The following KCNIP4 variants were observed in gnomAD, a reference collection of about 807,000 sequenced individuals.
KCNIP4 encodes Kv channel-interacting protein 4.
In KCNIP4, 12 loss-of-function variants were observed where a neutral mutation model predicts 34.0. The ratio of observed to expected loss-of-function variants is 0.35; its 90% CI spans 0.23 to 0.57. KCNIP4 has a LOEUF of 0.57. KCNIP4 is among the 20% of genes least tolerant of loss of function. The pLI is 0.83. For synonymous variants in KCNIP4, 124 were observed against 102.2 expected, an observed-to-expected ratio of 1.21 and a Z score of -1.29; for missense variants, 238 against 311.7, an observed-to-expected ratio of 0.76 and a Z score of 1.78.
At chr4:21,894,334 C>CAAATAAATAAATAAATAAAT (rs71655673) in intron 1 of KCNIP4, among the ~76,000 whole-genome samples, 3 of 150,788 alleles carry the variant, frequency 2.0e-5, no homozygotes, top group African/African-American at 7.3e-5. Flanking sequence ...GACCCAGTCT[C>CAAATAAATAAATAAATAAAT]AAATAAATAA....
intron 1 of KCNIP4, among the ~76,000 whole-genome samples, chr4:21,291,556 A>T (rs1368551153): frequency 6.6e-6 from 1 of 152,156 alleles, no homozygotes. Flanking sequence ...ACCATTAAAA[A>T]TATCTGATGA....
intron 1 of KCNIP4, among the ~76,000 whole-genome samples, chr4:21,289,662 TG>T (rs1475303551): frequency 6.6e-6 from 1 of 152,236 alleles, no homozygotes; most frequent in Non-Finnish European, 1.5e-5. Context: ...ATCTTTGCAC[TG>T]GTCTTAAATG....
chr4:21,011,252 C>G (rs1739041952), intron 1 of KCNIP4, among the ~76,000 whole-genome samples: 1 of 152,178 alleles, frequency 6.6e-6, no homozygotes, highest in Non-Finnish European at 1.5e-5. Flanking sequence ...TATTCACTTC[C>G]TAGTGGCATT....
chr4:20,765,467 T>C (rs1396944780), intron 3 of KCNIP4, among the ~76,000 whole-genome samples: 1 of 152,184 alleles, frequency 6.6e-6, no homozygotes, highest in Non-Finnish European at 1.5e-5. Flanking sequence ...CATTGTAGCT[T>C]GAGAGATTTG....
intron 1 of KCNIP4, among the ~76,000 whole-genome samples, chr4:21,070,540 G>C (rs558370764): frequency 6.6e-6 from 1 of 151,722 alleles, no homozygotes; most frequent in South Asian, 2.1e-4. Context: ...CTAATGTCTG[G>C]CAATGGTGAT....
intron 1 of KCNIP4, among the ~76,000 whole-genome samples, chr4:21,264,404 G>T (rs1260391707): frequency 6.6e-6 from 1 of 152,122 alleles, no homozygotes; most frequent in African/African-American, 2.4e-5. Flanking sequence ...TACAACACTG[G>T]CATGGAGATG....
At chr4:21,003,821 A>G (rs1182120849) in intron 1 of KCNIP4, among the ~76,000 whole-genome samples, 1 of 152,210 alleles carries the variant, frequency 6.6e-6, no homozygotes, top group Non-Finnish European at 1.5e-5. Context: ...TACTCACACC[A>G]ATAAAGTTAA....
chr4:21,079,227 A>G (rs1460873511), intron 1 of KCNIP4, among the ~76,000 whole-genome samples: 3 of 152,066 alleles, frequency 2.0e-5, no homozygotes, highest in African/African-American at 4.8e-5. Context: ...ATTTTTTGGC[A>G]TCTCACACAA....
chr4:20,918,091 G>A (rs372924584), intron 1 of KCNIP4, among the ~76,000 whole-genome samples: 1 of 152,054 alleles, frequency 6.6e-6, no homozygotes, highest in South Asian at 2.1e-4. Context: ...ATTACTTACA[G>A]TGGGACGAAT....
At chr4:21,235,509 T>G (rs752455869) in intron 1 of KCNIP4, among the ~76,000 whole-genome samples, 19 of 152,154 alleles carry the variant, frequency 1.2e-4, no homozygotes, top group Non-Finnish European at 2.2e-4. Context: ...ATGACTTGCT[T>G]CTTCATTGTG....
intron 1 of KCNIP4, among the ~76,000 whole-genome samples, chr4:20,932,476 T>C (rs1160375959): frequency 1.5e-5 from 2 of 129,208 alleles, no homozygotes; most frequent in Non-Finnish European, 3.2e-5. Flanking sequence ...TATAATAGTC[T>C]ATAATAGTCT....
chr4:21,356,976 C>G (rs930634202), intron 1 of KCNIP4, among the ~76,000 whole-genome samples: 2 of 152,054 alleles, frequency 1.3e-5, no homozygotes, highest in Non-Finnish European at 2.9e-5. Context: ...GATATATAGA[C>G]CAATGGAACA....
chr4:21,221,710 C>G (rs1409507057), intron 1 of KCNIP4, among the ~76,000 whole-genome samples: 1 of 152,082 alleles, frequency 6.6e-6, no homozygotes, highest in Non-Finnish European at 1.5e-5. Flanking sequence ...CAACTCCACT[C>G]TGGCAGCAGT....
intron 1 of KCNIP4, among the ~76,000 whole-genome samples, chr4:20,910,264 T>C (rs983932450): frequency 3.9e-5 from 6 of 152,034 alleles, no homozygotes; most frequent in Middle Eastern, 3.4e-3. Context: ...TTTTTGTGTG[T>C]GATTATTTGT....
chr4:21,702,613 A>G (rs2109064364), intron 1 of KCNIP4, among the ~76,000 whole-genome samples: 1 of 152,196 alleles, frequency 6.6e-6, no homozygotes, highest in South Asian at 2.1e-4. Flanking sequence ...CAATTTATAA[A>G]ATTTTCCATT....
chr4:21,779,100 C>T (rs1330626778), intron 1 of KCNIP4, among the ~76,000 whole-genome samples: 1 of 151,480 alleles, frequency 6.6e-6, no homozygotes, highest in Non-Finnish European at 1.5e-5. Context: ...ATTTATCTAC[C>T]ATAAGGGATT....
At chr4:21,679,515 G>A (rs781314857) in intron 1 of KCNIP4, among the ~76,000 whole-genome samples, 3 of 151,986 alleles carry the variant, frequency 2.0e-5, no homozygotes, top group Non-Finnish European at 4.4e-5. Flanking sequence ...CCACACCCAT[G>A]GCCAGTGAAA....
chr4:20,858,832 GA>G (rs1244883206), intron 2 of KCNIP4, among the ~76,000 whole-genome samples: 2 of 152,146 alleles, frequency 1.3e-5, no homozygotes, highest in Admixed American at 1.3e-4. Context: ...CATTTTACAA[GA>G]AGTCATGTAG....
intron 1 of KCNIP4, among the ~76,000 whole-genome samples, chr4:20,975,718 C>T (rs1324505468): frequency 6.6e-6 from 1 of 152,172 alleles, no homozygotes; most frequent in Non-Finnish European, 1.5e-5. Context: ...ACCCCCTTCT[C>T]AATGGTTCCC....
Sources: allele counts gnomAD v4.1 joint callset (sites outside exome capture counted in the v4.1 genomes callset), GRCh38; gene constraint gnomAD v4.1.1; transcripts MANE v1.5; gene names NCBI Gene and HGNC (gene_info 2026-07-23, HGNC 2026-07-21).